PABIR3: variants seen among roughly 807,000 people sequenced by gnomAD.
The protein encoded by PABIR3 is PABIR family member 3.
A neutral mutation model predicts 23.1 loss-of-function variants in PABIR3; 20 were observed. The observed-to-expected ratio is 0.86, with a 90% CI of 0.61 to 1.26. The LOEUF (loss-of-function observed/expected upper bound fraction) is 1.26. Ranked by LOEUF, PABIR3 falls within the 50% of genes most tolerant of loss-of-function variation. The pLI is 0.00. For synonymous variants in PABIR3, 69 were observed against 68.5 expected (o/e 1.01, Z -0.04); for missense variants, 189 against 195.4 (o/e 0.97, Z 0.20).
chrX:134,848,390 C>CA lies in PABIR3; in HGVS notation c.527+433dup, dbSNP rs1172693164. On this transcript the variant is annotated intron_variant, in intron 8 of 10. Coordinates refer to ENST00000645433, the MANE Select transcript of PABIR3 (RefSeq NM_001388447.1). ...GGGCAACAAGAGCAAAACTCCATCT[C>CA]AAAAAAAAAAAAAAGTCACTGTTTC... 3.4e-3 allele frequency among the ~76,000 whole-genome samples: 268 copies of CA among 78,779 alleles called. 1 individual carries two copies. The highest frequency in any genetic ancestry group is 8.5e-3 in the African/African-American group (181 of 21,332). 68.4% of individuals were successfully genotyped at this position (78,779 alleles called of 115,157 possible).
At chrX:134,842,710 CA>C (rs1347595830) in intron 4 of PABIR3, among the ~76,000 whole-genome samples, 1 of 109,482 alleles carries the variant, frequency 9.1e-6, no homozygotes, top group African/African-American at 3.3e-5. Context: ...CCAGCCTGGC[CA>C]ACACGGTGAA....
At chrX:134,828,047 C>CTATA (rs61129426) in intron 3 of PABIR3, among the ~76,000 whole-genome samples, 1,454 of 49,307 alleles carry the variant, frequency 0.029, 45 homozygotes, top group South Asian at 0.065. Flanking sequence ...CTCTCTCTCT[C>CTATA]TATATATATA....
intron 4 of PABIR3, among the ~76,000 whole-genome samples, chrX:134,839,962 C>G (rs757515966): frequency 8.9e-6 from 1 of 112,103 alleles, no homozygotes; most frequent in Non-Finnish European, 1.9e-5. Context: ...GGATGGTTGC[C>G]GTGTCTGTGT....
At chrX:134,862,680 T>G in the PABIR3 span, among the ~76,000 whole-genome samples, 1 of 112,046 alleles carries the variant, frequency 8.9e-6, no homozygotes, top group Non-Finnish European at 1.9e-5. Context: ...AAATATATTT[T>G]AGAAACTCAT....
chrX:134,844,268 G>A (rs931380746), intron 4 of PABIR3: 1 of 111,395 alleles, frequency 9.0e-6, no homozygotes, highest in Non-Finnish European at 1.9e-5. Context: ...AAATCAGAAA[G>A]TATGAATCCT....
At chrX:134,821,684 T>C (rs934144463) in intron 3 of PABIR3, 1 of 1,036,996 alleles carries the variant, frequency 9.6e-7, no homozygotes, top group East Asian at 4.5e-5. Context: ...CCAAATCTAG[T>C]GTATGGCCCA....
chrX:134,821,088 G>GTA (rs532535490), intron 3 of PABIR3, among the ~76,000 whole-genome samples: 8,051 of 96,730 alleles, frequency 0.083, 700 homozygotes, highest in African/African-American at 0.22. Context: ...GTGTGTGTGT[G>GTA]TATATATATA....
intron 4 of PABIR3, chrX:134,833,962 G>T (rs1189800664): frequency 8.9e-6 from 1 of 111,957 alleles, no homozygotes; most frequent in Non-Finnish European, 1.9e-5. Context: ...ATTGTAAATA[G>T]TACTGCAGTA....
intron 3 of PABIR3, among the ~76,000 whole-genome samples, chrX:134,827,206 C>G (rs1334009406): frequency 3.6e-5 from 4 of 110,999 alleles, no homozygotes; most frequent in Non-Finnish European, 1.9e-5. Flanking sequence ...AGTGATCCAC[C>G]CGCCTCCGCC....
intron 3 of PABIR3, among the ~76,000 whole-genome samples, chrX:134,817,512 A>G (rs2081050607): frequency 9.5e-6 from 1 of 104,836 alleles, no homozygotes; most frequent in Non-Finnish European, 1.9e-5. Context: ...GGAGGAGATA[A>G]CATCTTAGTT....
intron 4 of PABIR3, among the ~76,000 whole-genome samples, chrX:134,832,558 C>T (rs756825283): frequency 3.7e-5 from 4 of 107,602 alleles, no homozygotes; most frequent in African/African-American, 1.0e-4. Context: ...CACGCCACCA[C>T]GACAGGCTAA....
At chrX:134,810,965 A>G in intron 2 of PABIR3, 5 of 754,005 alleles carry the variant, frequency 6.6e-6, no homozygotes, top group Non-Finnish European at 7.8e-6. Context: ...TGTAGAAAAT[A>G]TTTAGCTTGC....
downstream of PABIR3, among the ~76,000 whole-genome samples, chrX:134,858,001 A>G (rs2082757829): frequency 2.7e-5 from 3 of 111,564 alleles, no homozygotes; most frequent in Admixed American, 2.9e-4. Flanking sequence ...ATACAAAAAT[A>G]ATGATACAAG....
chrX:134,847,549 A>G lies in PABIR3; in HGVS notation c.438+74A>G, dbSNP rs1310274115. 30 of 747,594 alleles carry G rather than the reference A, an allele frequency of 4.0e-5. No individual in the cohort carries two copies. The Admixed American group carries it at 4.9e-4, about 12-fold the overall frequency. 61.6% of individuals were successfully genotyped at this position (747,594 alleles called of 1,213,427 possible). A position where few individuals can be genotyped will look rare whatever the true frequency, so the allele number is the denominator to read the frequency against. The stretch of plus-strand genomic sequence containing the variant: ...ATATTTAGGAACATTAATGGTCACC[A>G]AAACAAATATTTTGGGGGATATATT... On this transcript the variant is annotated intron_variant, in intron 7 of 10. Transcript: ENST00000645433.
upstream of PABIR3, chrX:134,807,211 G>A (rs369473548): frequency 3.1e-5 from 26 of 826,956 alleles, no homozygotes; most frequent in African/African-American, 5.6e-4. Flanking sequence ...CCAACTGATT[G>A]TCAAAGGCGG....
intron 4 of PABIR3, among the ~76,000 whole-genome samples, chrX:134,836,090 G>A (rs997995683): frequency 1.8e-5 from 2 of 111,711 alleles, no homozygotes; most frequent in Non-Finnish European, 3.8e-5. Context: ...CACCCGCCTC[G>A]GCATCCCAAA....
intron 3 of PABIR3, among the ~76,000 whole-genome samples, chrX:134,827,820 C>A (rs2081568587): frequency 9.2e-6 from 1 of 109,134 alleles, no homozygotes; most frequent in African/African-American, 3.3e-5. Flanking sequence ...GTTGCTACTC[C>A]TCTATGAAGA....
At chrX:134,800,006 T>G (rs1416393590) in intron 1 of PABIR3, 1 of 109,211 alleles carries the variant, frequency 9.2e-6, no homozygotes, top group African/African-American at 3.3e-5. Flanking sequence ...AAAACCTTCC[T>G]TACCGGCCGG....
At chrX:134,811,417 T>C (rs1036628760) in intron 2 of PABIR3, among the ~76,000 whole-genome samples, 1 of 107,366 alleles carries the variant, frequency 9.3e-6, no homozygotes, top group African/African-American at 3.4e-5. Context: ...TTTTTTTTCC[T>C]GAGATGGAGT....
Sources: gnomAD v4.1 joint callset for allele counts (sites outside exome capture counted in the v4.1 genomes callset) on GRCh38, gnomAD v4.1.1 for gene constraint, MANE v1.5 for transcripts, NCBI Gene and HGNC (gene_info 2026-07-23, HGNC 2026-07-21) for gene names.